The following OSBPL6 variants were observed in gnomAD, a reference collection of about 807,000 sequenced individuals.
OSBPL6 encodes oxysterol binding protein like 6.
A neutral mutation model predicts 125.8 loss-of-function variants in OSBPL6; 49 were observed. That is an observed-to-expected ratio of 0.39 (90% CI 0.31 to 0.49). The LOEUF (loss-of-function observed/expected upper bound fraction) is 0.49, where lower values mean the gene tolerates loss of function less well. Among genes scored for constraint, OSBPL6 ranks in the 20% least tolerant of loss-of-function variants. The pLI, the probability that OSBPL6 is intolerant of heterozygous loss-of-function variation, is 0.88. For missense variants in OSBPL6, 986 were observed against 1,135.4 expected (o/e 0.87, Z 1.89); for synonymous variants, 394 against 391.8 (o/e 1.01, Z -0.07).
chr2:178,287,297 C>T (rs551979563), intron 2 of OSBPL6, among the ~76,000 whole-genome samples: 2 of 152,148 alleles, frequency 1.3e-5, no homozygotes, highest in East Asian at 3.8e-4. Flanking sequence ...CCCCTAGATA[C>T]ATCAGACACA....
At chr2:178,368,970 T>C (rs1693123357) in intron 13 of OSBPL6, among the ~76,000 whole-genome samples, 1 of 152,052 alleles carries the variant, frequency 6.6e-6, no homozygotes, top group Non-Finnish European at 1.5e-5. Flanking sequence ...CTAATTTTTG[T>C]ATTGTTAGTA....
chr2:178,237,618 C>T (rs2091109826), intron 1 of OSBPL6, among the ~76,000 whole-genome samples: 1 of 152,276 alleles, frequency 6.6e-6, no homozygotes, highest in East Asian at 1.9e-4. Context: ...TCAGCCTCAG[C>T]ATGGTTGACA....
In OSBPL6 at chr2:178,332,668, A is replaced by G; in HGVS notation, c.400A>G (p.Ile134Val). The G allele has an allele frequency of 1.2e-6, 2 of 1,614,118 alleles. No homozygotes were observed. The highest frequency in any genetic ancestry group is 3.3e-5 in the Admixed American group (2 of 60,022). Residue 134 changes from isoleucine to valine, a missense_variant, in exon 7 of 25, where the codon ATA becomes GTA. Physicochemically the swap from Ile to Val is conservative, Grantham distance 29. Around this residue, in one of 3 missense-constraint regions of OSBPL6, gnomAD observed 843 missense variants for 997.3 expected, o/e 0.85. Coordinates refer to ENST00000190611, the MANE Select transcript of OSBPL6 (RefSeq NM_032523.4). ...DIQKGKVHGS[I>V]DVGLSVMSIK... ...TCAGAAAGGAAAGGTCCATGGGAGC[A>G]TAGATGTGGGACTCTCAGTCATGTC...
chr2:178,260,930 G>A (rs914708898), intron 1 of OSBPL6, among the ~76,000 whole-genome samples: 1 of 152,152 alleles, frequency 6.6e-6, no homozygotes, highest in Admixed American at 6.5e-5. Context: ...CAGATCACCT[G>A]AGTTCAGCCT....
chr2:178,358,481 A>C (rs1692025068), intron 12 of OSBPL6, among the ~76,000 whole-genome samples: 1 of 152,038 alleles, frequency 6.6e-6, no homozygotes, highest in South Asian at 2.1e-4. Flanking sequence ...CAAAGGCACC[A>C]AAAAGGCACA....
intron 2 of OSBPL6, among the ~76,000 whole-genome samples, chr2:178,302,848 A>T: frequency 6.6e-6 from 1 of 152,216 alleles, no homozygotes; most frequent in East Asian, 1.9e-4. Flanking sequence ...CCAGCAGAGG[A>T]AATATACCTT....
At position 178,283,250 on chromosome 2, in the gene OSBPL6, G is replaced by A. The variant is rs1684388818; in HGVS notation, c.-350-1677G>A. On this transcript the variant is annotated intron_variant, in intron 1 of 24. Transcript: ENST00000190611. Reference sequence around the variant, plus strand: ...AGAACAAAAACTTTTGCAGAAAGATGGTACTTAAGGGGGCAATCATGGCAT... The same window carrying A: ...AGAACAAAAACTTTTGCAGAAAGATAGTACTTAAGGGGGCAATCATGGCAT... Among the ~76,000 whole-genome samples, 5 of 152,126 alleles carry A rather than the reference G, an allele frequency of 3.3e-5. No individual in the cohort carries two copies. The South Asian group carries it at 1.0e-3, about 32-fold the overall frequency.
intron 1 of OSBPL6, among the ~76,000 whole-genome samples, chr2:178,279,643 C>T (rs548955650): frequency 1.1e-4 from 17 of 152,288 alleles, no homozygotes; most frequent in South Asian, 4.1e-4. Context: ...TGTACGAAAA[C>T]GCATGTGTGT....
chr2:178,357,923 T>A (rs1691963823), intron 12 of OSBPL6, among the ~76,000 whole-genome samples: 1 of 152,222 alleles, frequency 6.6e-6, no homozygotes, highest in Admixed American at 6.5e-5. Flanking sequence ...GATAAGTTAA[T>A]GTCCTTTGCA....
intron 1 of OSBPL6, among the ~76,000 whole-genome samples, chr2:178,212,351 A>G (rs1430635379): frequency 6.6e-6 from 1 of 152,020 alleles, no homozygotes; most frequent in Non-Finnish European, 1.5e-5. Context: ...GGGCCAGGGC[A>G]CTCTTCTTAG....
chr2:178,252,820 C>T (rs2091745218), intron 1 of OSBPL6, among the ~76,000 whole-genome samples: 1 of 152,048 alleles, frequency 6.6e-6, no homozygotes, highest in Non-Finnish European at 1.5e-5. Flanking sequence ...TGATACAACC[C>T]CATTTTAGAA....
chr2:178,243,466 T>A (rs1284793736), intron 1 of OSBPL6, among the ~76,000 whole-genome samples: 2 of 152,178 alleles, frequency 1.3e-5, no homozygotes, highest in East Asian at 1.9e-4. Context: ...CTCCATTCAA[T>A]CAGTTGCTTC....
chr2:178,283,591 A>T (rs1684423763), intron 1 of OSBPL6, among the ~76,000 whole-genome samples: 1 of 152,004 alleles, frequency 6.6e-6, no homozygotes, highest in Non-Finnish European at 1.5e-5. Flanking sequence ...TCTTATGATG[A>T]ATTTATTCTC....
intron 1 of OSBPL6, among the ~76,000 whole-genome samples, chr2:178,268,233 C>T (rs2092294369): frequency 6.6e-6 from 1 of 152,036 alleles, no homozygotes; most frequent in African/African-American, 2.4e-5. Flanking sequence ...AGGCACCTGC[C>T]ACCATGCCCA....
chr2:178,215,590 C>T (rs1231466248), intron 1 of OSBPL6, among the ~76,000 whole-genome samples: 1 of 151,724 alleles, frequency 6.6e-6, no homozygotes, highest in East Asian at 1.9e-4. Flanking sequence ...AGCTTGGGGA[C>T]CCAGCTTTAT....
At chr2:178,200,325 C>T (rs576246702) in intron 1 of OSBPL6, among the ~76,000 whole-genome samples, 2 of 146,316 alleles carry the variant, frequency 1.4e-5, no homozygotes, top group Admixed American at 1.4e-4. Context: ...AATCTCGGCT[C>T]ACTGCAACCT....
At position 178,400,470 on chromosome 2, in the gene OSBPL6, G is replaced by C. The variant is rs1559341763; in HGVS notation, c.*4911G>C. 1 of 151,992 alleles carries C rather than the reference G, an allele frequency of 6.6e-6. No individual in the cohort carries two copies. Among genetic ancestry groups the C allele is most frequent in the Non-Finnish European group, 1.5e-5 (1 of 67,996 alleles). 9.4% of individuals were successfully genotyped at this position (151,992 alleles called of 1,614,324 possible). A position where few individuals can be genotyped will look rare whatever the true frequency, so the allele number is the denominator to read the frequency against. On this transcript the variant is annotated 3_prime_UTR_variant, in exon 25 of 25. Transcript: ENST00000190611. ...CTAGCTAATTTTTGTATTTTAGTTA[G>C]AGACGGGGGTTTTGCCATGTTGGCC... is the stretch of plus-strand genomic sequence containing the variant.
At chr2:178,265,980 A>G (rs2092220207) in intron 1 of OSBPL6, among the ~76,000 whole-genome samples, 1 of 152,222 alleles carries the variant, frequency 6.6e-6, no homozygotes, top group South Asian at 2.1e-4. Flanking sequence ...CAAAGCAGAG[A>G]GATCCGGCCC....
intron 1 of OSBPL6, among the ~76,000 whole-genome samples, chr2:178,242,903 C>T (rs921408681): frequency 6.6e-6 from 1 of 151,954 alleles, no homozygotes; most frequent in Non-Finnish European, 1.5e-5. Context: ...TATATATATA[C>T]ACACACATAA....
Sources: allele counts gnomAD v4.1 joint callset (sites outside exome capture counted in the v4.1 genomes callset), GRCh38; gene constraint gnomAD v4.1.1; regional missense constraint gnomAD v4.1.1; transcripts MANE v1.5; gene names NCBI Gene and HGNC (gene_info 2026-07-23, HGNC 2026-07-21).